DMD: variants seen among roughly 807,000 people sequenced by gnomAD.
DMD encodes the protein dystrophin.
Under a neutral mutation model 330.1 loss-of-function variants are expected in DMD, and 63 were observed. The ratio of observed to expected loss-of-function variants is 0.19; its 90% CI spans 0.16 to 0.24. The LOEUF is 0.24. Among genes scored for constraint, DMD ranks in the 10% least tolerant of loss-of-function variants. The probability of loss-of-function intolerance (pLI) is 1.00; values close to 1 mark genes in which losing one functional copy is unlikely to be tolerated. For synonymous variants in DMD, 1,223 were observed against 959.8 expected (o/e 1.27, Z -5.07); for missense variants, 3,344 against 2,684.1 (o/e 1.25, Z -5.43).
intron 17 of DMD, among the ~76,000 whole-genome samples, chrX:32,534,291 G>A (rs1319614242): frequency 9.0e-6 from 1 of 111,565 alleles, no homozygotes; most frequent in Non-Finnish European, 1.9e-5. Flanking sequence ...ATGCTGAATT[G>A]TAAACTCCAG....
At chrX:32,931,802 T>G (rs1286371131) in intron 2 of DMD, among the ~76,000 whole-genome samples, 1 of 111,822 alleles carries the variant, frequency 8.9e-6, no homozygotes, top group Non-Finnish European at 1.9e-5. Flanking sequence ...AGTATTCATA[T>G]CAACTTATAT....
chrX:32,217,119 A>G, intron 43 of DMD, 56 bp from the exon 44 acceptor site: 1 of 1,112,598 alleles, frequency 9.0e-7, no homozygotes, highest in Non-Finnish European at 1.2e-6. Flanking sequence ...AAAACAGATT[A>G]TAGAGATATA....
rs199699630 is a variant in DMD at position 32,882,022 on chromosome X, A to ACTT, written c.94-32205_94-32203dup. Among the ~76,000 whole-genome samples the ACTT allele has an allele frequency of 4.4e-3, 490 of 112,319 alleles. 8 individuals carry two copies. The East Asian group carries it at 0.065, about 15-fold the overall frequency. On this transcript the variant is annotated intron_variant, in intron 2 of 78. Transcript: ENST00000357033. The stretch of plus-strand genomic sequence containing the variant: ...CGTGCTTCTTCATGCCTGCAGCAGC[A>ACTT]CTTTTTAGTAACAAGCTATTCAATT...
chrX:33,191,639 G>T (rs948409683), intron 1 of DMD, among the ~76,000 whole-genome samples: 1 of 111,417 alleles, frequency 9.0e-6, no homozygotes, highest in African/African-American at 3.3e-5. Flanking sequence ...GGCCAGGCTG[G>T]TCTCGAACTC....
intron 7 of DMD, among the ~76,000 whole-genome samples, chrX:32,735,819 G>C (rs2068386110): frequency 8.9e-6 from 1 of 111,789 alleles, no homozygotes; most frequent in Non-Finnish European, 1.9e-5. Flanking sequence ...AACCCTGGAA[G>C]AAAACCTAGG....
At chrX:32,808,576 G>A (rs1258294238) in intron 7 of DMD, among the ~76,000 whole-genome samples, 1 of 107,745 alleles carries the variant, frequency 9.3e-6, no homozygotes, top group Non-Finnish European at 1.9e-5. Context: ...TGTCTTCTGG[G>A]TCATTTTTGA....
chrX:32,492,262 C>T (rs933260072), intron 19 of DMD, among the ~76,000 whole-genome samples: 3 of 111,776 alleles, frequency 2.7e-5, no homozygotes, highest in East Asian at 2.8e-4. Flanking sequence ...GGCGTGAACC[C>T]GGGAGGCGGA....
intron 44 of DMD, among the ~76,000 whole-genome samples, chrX:32,138,167 C>T (rs937739160): frequency 1.8e-5 from 2 of 110,776 alleles, no homozygotes; most frequent in African/African-American, 3.3e-5. Flanking sequence ...GCCTCACATA[C>T]ATCATCTGGA....
At chrX:33,279,199 T>C (rs1204699637) in intron 1 of DMD, among the ~76,000 whole-genome samples, 2 of 111,445 alleles carry the variant, frequency 1.8e-5, no homozygotes, top group Admixed American at 9.5e-5. Flanking sequence ...ATTTCGAAAA[T>C]TGAAATAAAA....
intron 7 of DMD, among the ~76,000 whole-genome samples, chrX:32,752,027 G>A (rs143811580): frequency 1.6e-3 from 180 of 112,810 alleles, no homozygotes; most frequent in African/African-American, 5.0e-3. Context: ...GAAGTTTGCT[G>A]TAGGGGCAGG....
chrX:31,308,653 C>T (rs2055233085), intron 62 of DMD, among the ~76,000 whole-genome samples: 1 of 111,400 alleles, frequency 9.0e-6, no homozygotes, highest in African/African-American at 3.3e-5. Context: ...CTCAAGTGAT[C>T]TTCCTGCTTC....
intron 4 of DMD, among the ~76,000 whole-genome samples, chrX:32,839,569 A>T (rs113392742): frequency 2.6e-4 from 29 of 112,017 alleles, no homozygotes; most frequent in African/African-American, 9.1e-4. Flanking sequence ...TATCCTGCAC[A>T]GGCTTATTGA....
chrX:32,697,279 A>G (rs2063727638), intron 9 of DMD, among the ~76,000 whole-genome samples: 2 of 111,564 alleles, frequency 1.8e-5, no homozygotes, highest in Non-Finnish European at 3.8e-5. Flanking sequence ...AGTACTAAAC[A>G]TTGCCGAGAA....
chrX:31,177,601 G>GAA (rs915256715), intron 71 of DMD, among the ~76,000 whole-genome samples: 2 of 110,831 alleles, frequency 1.8e-5, no homozygotes, highest in African/African-American at 6.5e-5. Flanking sequence ...TTTATATGAA[G>GAA]AAATATATAA....
intron 50 of DMD, among the ~76,000 whole-genome samples, chrX:31,776,875 G>A (rs1023394438): frequency 2.2e-4 from 25 of 111,897 alleles, no homozygotes; most frequent in Admixed American, 9.5e-5. Context: ...CCATCCCTGC[G>A]CCAGTCATGG....
At chrX:32,006,328 T>C (rs1363437565) in intron 44 of DMD, among the ~76,000 whole-genome samples, 1 of 111,833 alleles carries the variant, frequency 8.9e-6, no homozygotes, top group African/African-American at 3.2e-5. Context: ...TATTAAGTAG[T>C]GTGAAGACAA....
chrX:32,280,163 CAGTATATATATAT>C (rs2097413653), intron 43 of DMD, among the ~76,000 whole-genome samples: 1 of 10,511 alleles, frequency 9.5e-5, no homozygotes, highest in African/African-American at 5.5e-4. Flanking sequence ...TATATATATA[CAGTATATATATAT>C]ATATATATAT....
At chrX:32,834,789 A>G (rs1418033815) in intron 4 of DMD, among the ~76,000 whole-genome samples, 1 of 111,890 alleles carries the variant, frequency 8.9e-6, no homozygotes, top group Non-Finnish European at 1.9e-5. Flanking sequence ...AGTTAATATT[A>G]AATTATATTA....
intron 63 of DMD, 123 bp downstream of exon 63, chrX:31,260,832 T>C: frequency 1.6e-6 from 1 of 619,991 alleles, no homozygotes; most frequent in East Asian, 3.6e-5. Flanking sequence ...AAGGTGCCAC[T>C]GCTTTCACCC....
Sources: gnomAD v4.1 joint callset for allele counts (sites outside exome capture counted in the v4.1 genomes callset) on GRCh38, gnomAD v4.1.1 for gene constraint, MANE v1.5 for transcripts, NCBI Gene and HGNC (gene_info 2026-07-23, HGNC 2026-07-21) for gene names.